Variants in FREM1 observed in about 807,000 individuals in gnomAD.
FREM1 encodes FRAS1-related extracellular matrix protein 1.
A neutral mutation model predicts 210.1 loss-of-function variants in FREM1; 220 were observed. The ratio of observed to expected loss-of-function variants is 1.05; its 90% CI spans 0.94 to 1.17. The LOEUF (loss-of-function observed/expected upper bound fraction) is 1.17, where lower values mean the gene tolerates loss of function less well. Among genes scored for constraint, FREM1 ranks in the 50% most tolerant of loss-of-function variants. The pLI, the probability that FREM1 is intolerant of heterozygous loss-of-function variation, is 0.00. For synonymous variants in FREM1, 1,189 were observed against 980.2 expected (o/e 1.21, Z -3.98); for missense variants, 3,454 against 2,675.5 (o/e 1.29, Z -6.42).
chr9:14,764,465 G>A (rs1846043947), intron 27 of FREM1, among the ~76,000 whole-genome samples: 1 of 152,116 alleles, frequency 6.6e-6, no homozygotes, highest in African/African-American at 2.4e-5. Context: ...ACTATTGTTA[G>A]GCTTTATTAG....
intron 24 of FREM1, among the ~76,000 whole-genome samples, chr9:14,778,060 T>C (rs886521560): frequency 2.6e-5 from 4 of 151,458 alleles, no homozygotes; most frequent in Non-Finnish European, 5.9e-5. Flanking sequence ...ATAAAGTAAA[T>C]TTTGACATTT....
At chr9:14,751,713 C>T (rs1843427113) in intron 29 of FREM1, 1 of 152,102 alleles carries the variant, frequency 6.6e-6, no homozygotes, top group African/African-American at 2.4e-5. Context: ...CAGACTTATA[C>T]CTCTCAACTG....
intron 27 of FREM1, among the ~76,000 whole-genome samples, chr9:14,767,911 T>G (rs1405706523): frequency 1.3e-5 from 2 of 152,140 alleles, no homozygotes; most frequent in African/African-American, 2.4e-5. Context: ...TTACGTCAAG[T>G]TGAACTGGAA....
intron 19 of FREM1, among the ~76,000 whole-genome samples, chr9:14,804,200 AT>A (rs770650079): frequency 1.7e-4 from 26 of 152,322 alleles, no homozygotes; most frequent in Non-Finnish European, 2.9e-5. Context: ...CTAAAAAAAA[AT>A]TATGCGAAGC....
chr9:14,797,057 T>A (rs1852551970), intron 21 of FREM1, among the ~76,000 whole-genome samples: 1 of 152,204 alleles, frequency 6.6e-6, no homozygotes, highest in African/African-American at 2.4e-5. Context: ...GTGGGTTGAT[T>A]TATTTCCCTC....
At chr9:14,901,983 G>T (rs568323288) in intron 1 of FREM1, among the ~76,000 whole-genome samples, 1 of 151,962 alleles carries the variant, frequency 6.6e-6, no homozygotes, top group South Asian at 2.1e-4. Flanking sequence ...CTGAGTAGCT[G>T]GGACTACAGG....
chr9:14,814,974 A>C (rs1476940966), intron 15 of FREM1, among the ~76,000 whole-genome samples: 1 of 152,248 alleles, frequency 6.6e-6, no homozygotes, highest in Admixed American at 6.5e-5. Context: ...AGACAAAAAA[A>C]GTAACTCAGA....
chr9:14,743,623 T>C (rs187269616), intron 35 of FREM1, among the ~76,000 whole-genome samples: 67 of 152,256 alleles, frequency 4.4e-4, no homozygotes, highest in African/African-American at 1.2e-3. Flanking sequence ...GTTACTTGCA[T>C]TGGCCTTTAA....
chr9:14,797,705 C>G, intron 20 of FREM1, 63 bp from the exon 21 acceptor site: 1 of 1,353,056 alleles, frequency 7.4e-7, no homozygotes, highest in Non-Finnish European at 1.0e-6. Flanking sequence ...ACATATGTCA[C>G]AGATAATGTC....
chr9:14,834,049 T>G (rs1824074914), intron 10 of FREM1, among the ~76,000 whole-genome samples: 1 of 152,166 alleles, frequency 6.6e-6, no homozygotes, highest in Admixed American at 6.5e-5. Context: ...TATCTGATGG[T>G]TTTGAGTTTT....
At chr9:14,817,294 T>C (rs949339501) in intron 14 of FREM1, among the ~76,000 whole-genome samples, 2 of 152,220 alleles carry the variant, frequency 1.3e-5, no homozygotes, top group African/African-American at 4.8e-5. Flanking sequence ...AAGGCTAGGC[T>C]AATCCTTCCG....
In FREM1 at chr9:14,832,459, G is replaced by C. The variant is rs954389249; in HGVS notation, c.1882-7467C>G. ...TCCTATAGTAGGCCAAAAGGGAAGA[G>C]AAAAAATAGGGAAGGCAAAGAAACA... is the stretch of plus-strand genomic sequence containing the variant. On this transcript the variant is annotated intron_variant, in intron 10 of 36. Transcript: ENST00000380880. 2.0e-5 allele frequency among the ~76,000 whole-genome samples: 3 copies of C among 152,280 alleles called. No homozygotes were observed. In the East Asian group the frequency reaches 5.8e-4, roughly 29 times the overall value.
At chr9:14,867,070 G>A (rs1277693471) in intron 2 of FREM1, among the ~76,000 whole-genome samples, 2 of 152,056 alleles carry the variant, frequency 1.3e-5, no homozygotes, top group Non-Finnish European at 2.9e-5. Context: ...ATGTTGACCA[G>A]GCTGGTCTCT....
chr9:14,760,052 A>G (rs1845207623), intron 27 of FREM1, among the ~76,000 whole-genome samples, 151 bp from the exon 28 acceptor site: 1 of 152,268 alleles, frequency 6.6e-6, no homozygotes, highest in Non-Finnish European at 1.5e-5. Context: ...TTTAGTTCAC[A>G]AAGAATGTCT....
At chr9:14,825,065 T>A in intron 10 of FREM1, 73 bp from the exon 11 acceptor site, 1 of 952,846 alleles carries the variant, frequency 1.0e-6, no homozygotes, top group Non-Finnish European at 1.6e-6. Flanking sequence ...CACAATCACC[T>A]AGTCACAGTT....
At chr9:14,754,769 T>A (rs1843991432) in intron 29 of FREM1, among the ~76,000 whole-genome samples, 1 of 151,924 alleles carries the variant, frequency 6.6e-6, no homozygotes, top group Non-Finnish European at 1.5e-5. Context: ...CCGTCTCTAC[T>A]AAAAATACAA....
Position 14,746,905 on chromosome 9 carries a change from G to A in FREM1, c.6138+18C>T, listed in dbSNP as rs771752655. On this transcript the variant is annotated intron_variant, in intron 34 of 36. Coordinates refer to ENST00000380880, the MANE Select transcript of FREM1 (RefSeq NM_001379081.2). The stretch of plus-strand genomic sequence containing the variant: ...ACATTGCGAATAAAGGTGCTTGGCT[G>A]CTCAGCCTGCCTCCTACCTTGGTTT... 6.2e-7 allele frequency: 1 copy of A among 1,610,290 alleles called. No individual in the cohort carries two copies. Among genetic ancestry groups the A allele is most frequent in the South Asian group, 1.1e-5 (1 of 90,272 alleles).
intron 1 of FREM1, among the ~76,000 whole-genome samples, chr9:14,891,912 G>A (rs1038157762): frequency 3.3e-5 from 5 of 152,174 alleles, no homozygotes; most frequent in Admixed American, 1.3e-4. Context: ...TCTTGTGGGA[G>A]GGAGATTTAT....
At chr9:14,805,175 A>C (rs1166007962) in intron 18 of FREM1, 23 bp from the exon 19 acceptor site, 1 of 1,427,672 alleles carries the variant, frequency 7.0e-7, no homozygotes, top group Non-Finnish European at 9.3e-7. Flanking sequence ...AAGATGGAAC[A>C]GATAAATAAA....
Sources: allele counts gnomAD v4.1 joint callset (sites outside exome capture counted in the v4.1 genomes callset), GRCh38; gene constraint gnomAD v4.1.1; transcripts MANE v1.5; gene names NCBI Gene and HGNC (gene_info 2026-07-23, HGNC 2026-07-21).